The following TSPAN3 variants were observed in gnomAD, a reference collection of about 807,000 sequenced individuals.
The protein encoded by TSPAN3 is tetraspanin 3, also known as tetraspanin-3.
In TSPAN3, 9 loss-of-function variants were observed where a neutral mutation model predicts 31.1. The observed-to-expected ratio is 0.29, with a 90% CI of 0.17 to 0.50. The LOEUF is 0.50. TSPAN3 is among the 20% of genes least tolerant of loss of function. The pLI, the probability that TSPAN3 is intolerant of heterozygous loss-of-function variation, is 0.98. For synonymous variants in TSPAN3, 129 were observed against 114.3 expected (o/e 1.13, Z -0.82); for missense variants, 252 against 313.5 (o/e 0.80, Z 1.48).
chr15:77,054,302 G>A (rs1194412244), intron 3 of TSPAN3, 23 bp from the exon 4 acceptor site: 1 of 1,545,966 alleles, frequency 6.5e-7, no homozygotes, highest in Admixed American at 1.7e-5. Context: ...AAAGAATTCA[G>A]TCCCTCAAAA....
intron 2 of TSPAN3, 59 bp from the exon 3 acceptor site, chr15:77,055,922 CTT>C (rs1266471725): frequency 6.5e-6 from 10 of 1,542,424 alleles, no homozygotes; most frequent in Middle Eastern, 1.9e-4. Flanking sequence ...TAAATACACT[CTT>C]GATTTAAAAA....
intron 6 of TSPAN3, among the ~76,000 whole-genome samples, chr15:77,051,538 AAAAAG>A (rs1179391527): frequency 3.8e-4 from 57 of 151,492 alleles, no homozygotes; most frequent in Admixed American, 1.5e-3. Flanking sequence ...TAAAAAAAAA[AAAAAG>A]AAAAGAAAAG....
rs772956317 is a variant in TSPAN3 at position 77,052,374 on chromosome 15, GC to G, written c.669+10del. 6.2e-7 allele frequency: 1 copy of G among 1,613,754 alleles called. No homozygotes were observed. Among genetic ancestry groups the G allele is most frequent in the Non-Finnish European group, 8.5e-7 (1 of 1,179,620 alleles). On this transcript the variant is annotated intron_variant, in intron 6 of 6. Transcript: ENST00000267970. The stretch of plus-strand genomic sequence containing the variant: ...TCACTCCGATAGAACTCCTTGGCAA[GC>G]TGTGCTTACCTGAATAGCTGCAAAT...
chr15:77,054,453 G>A (rs2076754689), intron 3 of TSPAN3, 174 bp from the exon 4 acceptor site: 3 of 478,762 alleles, frequency 6.3e-6, no homozygotes, highest in East Asian at 3.5e-5. Flanking sequence ...GATGAAGGCA[G>A]GAGGGAGAAA....
Position 77,042,391 on chromosome 15 carries a change from C to T in TSPAN3, c.*4444G>A, listed in dbSNP as rs1052552120. 6.6e-6 allele frequency: 1 copy of T among 152,192 alleles called. No individual in the cohort carries two copies. The highest frequency in any genetic ancestry group is 6.5e-5 in the Admixed American group (1 of 15,278). The allele number at this position is 152,192 out of a possible 1,614,324, so 9.4% of individuals were successfully genotyped here. A position where few individuals can be genotyped will look rare whatever the true frequency, so the allele number is the denominator to read the frequency against. ...CCAGCTGCAATAAGCACACCTAGTG[C>T]CAGGGACCAGGGCTCCTGGGACAAA... On this transcript the variant is annotated 3_prime_UTR_variant, in exon 7 of 7. Coordinates refer to ENST00000267970, the MANE Select transcript of TSPAN3 (RefSeq NM_005724.6).
chr15:77,050,177 A>G (rs545381951), intron 6 of TSPAN3, among the ~76,000 whole-genome samples: 132 of 152,352 alleles, frequency 8.7e-4, no homozygotes, highest in African/African-American at 3.0e-3. Context: ...CCAGGGCACC[A>G]ATCTATCAGA....
At chr15:77,053,736 A>G (rs1423799544) in intron 4 of TSPAN3, among the ~76,000 whole-genome samples, 2 of 152,142 alleles carry the variant, frequency 1.3e-5, no homozygotes, top group Non-Finnish European at 2.9e-5. Flanking sequence ...CATCTATTAC[A>G]CTATTCTTTC....
chr15:77,046,717 C>T lies in TSPAN3; in HGVS notation c.*118G>A, dbSNP rs2076693936. On this transcript the variant is annotated 3_prime_UTR_variant, in exon 7 of 7. Transcript: ENST00000267970. ...CACATGAAAAGCCAAGCTGCTCTGT[C>T]CAACACCAGTGTACATGTGCTTTAA... 1 of 729,546 alleles carries T rather than the reference C, an allele frequency of 1.4e-6. No homozygotes were observed. Among genetic ancestry groups the T allele is most frequent in the Non-Finnish European group, 2.3e-6 (1 of 433,732 alleles). The allele number at this position is 729,546 out of a possible 1,614,324, so 45.2% of individuals were successfully genotyped here.
chr15:77,048,153 A>G (rs890057851), intron 6 of TSPAN3, among the ~76,000 whole-genome samples: 1 of 152,230 alleles, frequency 6.6e-6, no homozygotes, highest in Non-Finnish European at 1.5e-5. Context: ...TAAGAGGTGA[A>G]TATTATTTAA....
rs569353475 is a variant in TSPAN3, at chr15:77,044,387, T to C, written c.*2448A>G. The C allele has an allele frequency of 5.9e-5, 9 of 152,396 alleles. No homozygotes were observed. In the South Asian group the frequency reaches 1.2e-3, roughly 21 times the overall value. The allele number at this position is 152,396 out of a possible 1,614,324, so 9.4% of individuals were successfully genotyped here. A position where few individuals can be genotyped will look rare whatever the true frequency, so the allele number is the denominator to read the frequency against. ...GCAGAAACAAGATGTTGAATTTGCA[T>C]GGCCCTGGCCAACACAGACAACATC... is the stretch of plus-strand genomic sequence containing the variant. On this transcript the variant is annotated 3_prime_UTR_variant, in exon 7 of 7. Coordinates refer to ENST00000267970, the MANE Select transcript of TSPAN3 (RefSeq NM_005724.6).
At chr15:77,064,136 T>C (rs1445432334) in intron 1 of TSPAN3, 38 of 152,174 alleles carry the variant, frequency 2.5e-4, no homozygotes, top group Admixed American at 2.5e-3. Context: ...TCTGCCTAAC[T>C]ACTAAAAGGA....
rs759701807 is a variant in TSPAN3, at chr15:77,055,819, TACA to T, written c.297_299del (p.Val102del). ...CTCTGTAAACATATCCCAAAACCAC[TACA>T]ACAACTTCTGTGACAAAAACCAAGA... On this transcript the variant is annotated inframe_deletion, in exon 3 of 7. Transcript: ENST00000267970. The T allele has an allele frequency of 4.3e-6, 7 of 1,611,560 alleles. No homozygotes were observed. Among genetic ancestry groups the T allele is most frequent in the African/African-American group, 2.7e-5 (2 of 74,750 alleles).
chr15:77,061,168 A>G lies in TSPAN3; in HGVS notation c.64-4913T>C, dbSNP rs573142838. Among the ~76,000 whole-genome samples, 542 of 152,272 alleles carry G rather than the reference A, an allele frequency of 3.6e-3. 6 individuals are homozygous for G. Among genetic ancestry groups the G allele is most frequent in the African/African-American group, 0.012 (517 of 41,558 alleles). On this transcript the variant is annotated intron_variant, in intron 1 of 6. Transcript: ENST00000267970. Reference sequence around the variant, plus strand: ...TCTTATATGAGATTGCTTTTTCCATAGCTTAGAAACTAGTTTTTGGGGGGG... The same window carrying G: ...TCTTATATGAGATTGCTTTTTCCATGGCTTAGAAACTAGTTTTTGGGGGGG...
chr15:77,055,808 C>T lies in TSPAN3; in HGVS notation c.311G>A (p.Gly104Glu). Residue 104 changes from glycine (G) to glutamate (E), a missense_variant, in exon 3 of 7, where the codon GGA becomes GAA. Gly to Glu is a moderately conservative substitution (Grantham distance 98, BLOSUM62 -2). Coordinates refer to ENST00000267970, the MANE Select transcript of TSPAN3 (RefSeq NM_005724.6). ...ACATACCTTTGCTCTGTAAACATAT[C>T]CCAAAACCACTACAACAACTTCTGT... ...FVTEVVVVVLGYVYRAKVENE... is the reference protein window; with the variant it reads ...FVTEVVVVVLEYVYRAKVENE... The T allele has an allele frequency of 6.2e-7, 1 of 1,610,774 alleles. No homozygotes were observed. Among genetic ancestry groups the T allele is most frequent in the Non-Finnish European group, 8.5e-7 (1 of 1,179,226 alleles).
rs1171588992 is a variant in TSPAN3 at position 77,055,846 on chromosome 15, G to A, written c.273C>T (p.Leu91=). The A allele has an allele frequency of 2.5e-6, 4 of 1,610,456 alleles. No individual in the cohort carries two copies. The highest frequency in any genetic ancestry group is 1.1e-5 in the South Asian group (1 of 89,822). The change falls in exon 3 of 7, where the codon CTC becomes CTT. Residue 91 remains leucine, a synonymous_variant. Transcript: ENST00000267970. The part of the protein sequence containing the change: ...CGLATFVIIL[L]LVFVTEVVVV... ...CAACAACTTCTGTGACAAAAACCAA[G>A]AGCAGGATGATGACAAACTGTAAGA...
intron 4 of TSPAN3, among the ~76,000 whole-genome samples, chr15:77,053,385 T>C (rs1309975264): frequency 1.5e-5 from 2 of 131,070 alleles, no homozygotes; most frequent in Non-Finnish European, 3.1e-5. Context: ...GAGGTGGAGG[T>C]TGCAGTGAGC....
At position 77,044,963 on chromosome 15, in the gene TSPAN3, G is replaced by A. The variant is rs936733501; in HGVS notation, c.*1872C>T. 6.6e-6 allele frequency: 1 copy of A among 152,098 alleles called. No individual in the cohort carries two copies. The highest frequency in any genetic ancestry group is 6.5e-5 in the Admixed American group (1 of 15,272). The allele number at this position is 152,098 out of a possible 1,614,324, so 9.4% of individuals were successfully genotyped here. ...TCAGTAGTCACATGATAAATCCCCC[G>A]GGGCCTCTGAAATCACATTCTGGTA... On this transcript the variant is annotated 3_prime_UTR_variant, in exon 7 of 7. Coordinates refer to ENST00000267970, the MANE Select transcript of TSPAN3 (RefSeq NM_005724.6).
chr15:77,065,809 A>C (rs2076829380), intron 1 of TSPAN3, among the ~76,000 whole-genome samples: 1 of 152,232 alleles, frequency 6.6e-6, no homozygotes, highest in African/African-American at 2.4e-5. Flanking sequence ...AATGATGGTT[A>C]GTGAAGGTGC....
At position 77,046,266 on chromosome 15, in the gene TSPAN3, GTC is replaced by G. The variant is rs2076690339; in HGVS notation, c.*567_*568del. 2.5e-6 allele frequency: 1 copy of G among 397,550 alleles called. No homozygotes were observed. The highest frequency in any genetic ancestry group is 2.1e-5 in the African/African-American group (1 of 48,710). 24.6% of individuals were successfully genotyped at this position (397,550 alleles called of 1,614,324 possible). ...TAAAAACCACTAGTTTCAAAGCTCA[GTC>G]TCTGATTTTGAAGATGAACCAAGAT... is the stretch of plus-strand genomic sequence containing the variant. On this transcript the variant is annotated 3_prime_UTR_variant, in exon 7 of 7. Transcript: ENST00000267970.
Sources: allele counts gnomAD v4.1 joint callset (sites outside exome capture counted in the v4.1 genomes callset), GRCh38; gene constraint gnomAD v4.1.1; transcripts MANE v1.5; gene names NCBI Gene and HGNC (gene_info 2026-07-23, HGNC 2026-07-21).